IGFL2: variants seen among roughly 807,000 people sequenced by gnomAD.
The protein encoded by IGFL2 is IGF like family member 2, also known as insulin growth factor-like family member 2.
A neutral mutation model predicts 13.9 loss-of-function variants in IGFL2; 7 were observed. That is an observed-to-expected ratio of 0.51 (90% CI 0.29 to 0.95). IGFL2 has a LOEUF of 0.95. Among genes scored for constraint, IGFL2 ranks in the 40% least tolerant of loss-of-function variants. The pLI, the probability that IGFL2 is intolerant of heterozygous loss-of-function variation, is 0.08. For missense variants in IGFL2, 138 were observed against 147.8 expected, an observed-to-expected ratio of 0.93 and a Z score of 0.34; for synonymous variants, 55 against 55.8, an observed-to-expected ratio of 0.99 and a Z score of 0.07.
intron 1 of IGFL2, among the ~76,000 whole-genome samples, chr19:46,156,066 C>T (rs183256981): frequency 1.1e-3 from 164 of 152,292 alleles, no homozygotes; most frequent in Non-Finnish European, 1.5e-3. Flanking sequence ...ATCCTCTTGC[C>T]TCAGCCTCCC....
the IGFL2 span, among the ~76,000 whole-genome samples, chr19:46,116,219 C>A: frequency 6.6e-6 from 1 of 152,080 alleles, no homozygotes; most frequent in Non-Finnish European, 1.5e-5. Flanking sequence ...TCCTCATTTC[C>A]CAGTCTTTTA....
chr19:46,162,188 G>A (rs1335254173), downstream of IGFL2, among the ~76,000 whole-genome samples: 1 of 152,188 alleles, frequency 6.6e-6, no homozygotes, highest in South Asian at 2.1e-4. Context: ...TCTCTTTGTA[G>A]GTGACCTGCC....
the IGFL2 span, among the ~76,000 whole-genome samples, chr19:46,107,783 C>T: frequency 4.7e-4 from 72 of 152,246 alleles, 1 homozygote; most frequent in Non-Finnish European, 9.1e-4. Flanking sequence ...TAATAAAATG[C>T]ATATTGAGAA....
chr19:46,084,685 CTT>C, the IGFL2 span, among the ~76,000 whole-genome samples: 1 of 152,130 alleles, frequency 6.6e-6, no homozygotes, highest in African/African-American at 2.4e-5. Flanking sequence ...GTGTCACACA[CTT>C]TTAAAAAACC....
downstream of IGFL2, among the ~76,000 whole-genome samples, chr19:46,161,512 G>A (rs554803237): frequency 5.3e-5 from 8 of 152,218 alleles, no homozygotes; most frequent in African/African-American, 1.7e-4. Context: ...GTGCTTCTCT[G>A]TTGGTTGCAA....
upstream of IGFL2, among the ~76,000 whole-genome samples, chr19:46,143,627 A>G (rs1972964959): frequency 6.6e-6 from 1 of 152,106 alleles, no homozygotes; most frequent in Admixed American, 6.5e-5. Context: ...CAAGGGTGTC[A>G]GCACCCCAAT....
At chr19:46,114,977 T>C in the IGFL2 span, among the ~76,000 whole-genome samples, 5 of 152,188 alleles carry the variant, frequency 3.3e-5, no homozygotes, top group Admixed American at 2.6e-4. Flanking sequence ...TGCATACTAA[T>C]ATTGAGGACC....
chr19:46,146,387 G>A (rs1317514950), upstream of IGFL2, among the ~76,000 whole-genome samples: 1 of 152,162 alleles, frequency 6.6e-6, no homozygotes, highest in African/African-American at 2.4e-5. Context: ...AAATTGGATA[G>A]TGTGAGTCCT....
the IGFL2 span, among the ~76,000 whole-genome samples, chr19:46,182,077 A>G: frequency 2.6e-5 from 4 of 152,118 alleles, no homozygotes; most frequent in Admixed American, 6.6e-5. Context: ...TCAGTGGATA[A>G]AGAATTCTGG....
chr19:46,204,322 G>C, the IGFL2 span: 3 of 59,856 alleles, frequency 5.0e-5, no homozygotes, highest in South Asian at 1.1e-3. Context: ...GCCTGGGACT[G>C]GGGGGGGTTG....
chr19:46,120,076 G>A, the IGFL2 span: 1 of 534,636 alleles, frequency 1.9e-6, no homozygotes, highest in African/African-American at 2.0e-5. Flanking sequence ...ATTGAAGATG[G>A]TAAATGTGGG....
chr19:46,151,222 T>A (rs1204043706), intron 1 of IGFL2, among the ~76,000 whole-genome samples: 1 of 152,210 alleles, frequency 6.6e-6, no homozygotes, highest in Non-Finnish European at 1.5e-5. Context: ...GTTTTATATG[T>A]TCGCTCTTGT....
upstream of IGFL2, among the ~76,000 whole-genome samples, chr19:46,144,464 C>A (rs570250650): frequency 6.6e-6 from 1 of 152,078 alleles, no homozygotes; most frequent in Non-Finnish European, 1.5e-5. Context: ...CATATCGTAT[C>A]ATATCATACC....
At chr19:46,175,729 C>T in the IGFL2 span, among the ~76,000 whole-genome samples, 793 of 151,694 alleles carry the variant, frequency 5.2e-3, 11 homozygotes, top group South Asian at 0.04. Flanking sequence ...TTAGTAGAGA[C>T]GGGGTTTCAC....
chr19:46,099,593 A>G, the IGFL2 span, among the ~76,000 whole-genome samples: 2 of 151,202 alleles, frequency 1.3e-5, no homozygotes, highest in Non-Finnish European at 2.9e-5. Context: ...CAGTGGCACA[A>G]TCTCAGCTCA....
chr19:46,184,174 TAATC>T, the IGFL2 span, among the ~76,000 whole-genome samples: 1 of 152,238 alleles, frequency 6.6e-6, no homozygotes, highest in Non-Finnish European at 1.5e-5. Context: ...TTGTGGGTCA[TAATC>T]AACCACAAAA....
chr19:46,184,729 G>A, the IGFL2 span, among the ~76,000 whole-genome samples: 1 of 152,186 alleles, frequency 6.6e-6, no homozygotes, highest in East Asian at 1.9e-4. Context: ...ATGTGCATGT[G>A]TGTTTATAGT....
the IGFL2 span, among the ~76,000 whole-genome samples, chr19:46,128,972 C>T: frequency 6.6e-6 from 1 of 152,240 alleles, no homozygotes; most frequent in Admixed American, 6.5e-5. Flanking sequence ...TCCATCTGGT[C>T]TTGGAAATTT....
chr19:46,202,790 G>A, the IGFL2 span: 1 of 152,170 alleles, frequency 6.6e-6, no homozygotes, highest in African/African-American at 2.4e-5. Context: ...AAGAGTGGAG[G>A]GATATCTAGC....
Sources: gnomAD v4.1 joint callset for allele counts (sites outside exome capture counted in the v4.1 genomes callset) on GRCh38, gnomAD v4.1.1 for gene constraint, MANE v1.5 for transcripts, NCBI Gene and HGNC (gene_info 2026-07-23, HGNC 2026-07-21) for gene names.